COL4A5: variants seen among roughly 807,000 people sequenced by gnomAD.
COL4A5 encodes the protein collagen type IV alpha 5 chain, also known as collagen alpha-5(IV) chain.
In COL4A5, 26 loss-of-function variants were observed where a neutral mutation model predicts 130.2. The observed-to-expected ratio is 0.20, with a 90% confidence interval of 0.15 to 0.28. The LOEUF (loss-of-function observed/expected upper bound fraction) is 0.28. COL4A5 is among the 10% of genes least tolerant of loss of function. COL4A5 has a pLI of 1.00. For synonymous variants in COL4A5, 496 were observed against 439.6 expected (o/e 1.13, Z -1.60); for missense variants, 1,131 against 1,344.3 (o/e 0.84, Z 2.48).
At chrX:108,666,220 C>T (rs763443574) in intron 38 of COL4A5, among the ~76,000 whole-genome samples, 23 of 111,349 alleles carry the variant, frequency 2.1e-4, no homozygotes, top group African/African-American at 6.5e-4. Context: ...CTTCTCTTGG[C>T]CCCATATGAG....
chrX:108,476,808 C>G (rs1172683272), intron 1 of COL4A5, among the ~76,000 whole-genome samples: 4 of 111,807 alleles, frequency 3.6e-5, no homozygotes, highest in African/African-American at 1.3e-4. Context: ...ATATATACCA[C>G]ATTTTCTTTA....
At chrX:108,670,334 A>G in intron 42 of COL4A5, 98 bp downstream of exon 42, 1 of 1,171,003 alleles carries the variant, frequency 8.5e-7, no homozygotes, top group East Asian at 3.0e-5. Context: ...TTAAGAGCAT[A>G]TGTGCCAATT....
At chrX:108,689,372 A>G in intron 49 of COL4A5, 2 of 750,151 alleles carry the variant, frequency 2.7e-6, no homozygotes, top group Non-Finnish European at 3.1e-6. Context: ...CAACAGAGGA[A>G]CCATTATAAG....
At chrX:108,459,601 A>G (rs2064622788) in intron 1 of COL4A5, among the ~76,000 whole-genome samples, 1 of 112,584 alleles carries the variant, frequency 8.9e-6, no homozygotes, top group Non-Finnish European at 1.9e-5. Flanking sequence ...TGTAATCTAT[A>G]TACATATATC....
chrX:108,674,676 T>TTTGTA, intron 42 of COL4A5, 69 bp from the exon 43 acceptor site: 2 of 1,055,068 alleles, frequency 1.9e-6, no homozygotes, highest in Non-Finnish European at 2.6e-6. Context: ...ATAATCTTAT[T>TTTGTA]TTGTACTGTG....
intron 2 of COL4A5, among the ~76,000 whole-genome samples, chrX:108,558,468 G>C (rs2065858801): frequency 9.0e-6 from 1 of 111,088 alleles, no homozygotes; most frequent in African/African-American, 3.3e-5. Flanking sequence ...CAGTCTTCCT[G>C]TCCTGGTGAT....
At chrX:108,696,272 G>T (rs1350065699) in intron 52 of COL4A5, 25 bp from the exon 53 acceptor site, 1 of 1,150,692 alleles carries the variant, frequency 8.7e-7, no homozygotes, top group Admixed American at 2.2e-5. Flanking sequence ...ATGTGGATCT[G>T]ATTGTCTTAT....
rs1569488440 is a variant in COL4A5, at chrX:108,568,831, A to G, written c.384+10A>G. ...ATGCAATGGAACCAAGGTGAGATCC[A>G]TCCATTTAATCTTGGGTAGTATACT... On this transcript the variant is annotated intron_variant, in intron 6 of 52. Coordinates refer to ENST00000328300, the MANE Select transcript of COL4A5 (RefSeq NM_033380.3). 1.7e-6 allele frequency: 2 copies of G among 1,194,197 alleles called. No homozygotes were observed. The highest frequency in any genetic ancestry group is 1.1e-6 in the Non-Finnish European group (1 of 879,402).
At chrX:108,635,206 T>A (rs780281968) in intron 36 of COL4A5, among the ~76,000 whole-genome samples, 22 of 110,871 alleles carry the variant, frequency 2.0e-4, no homozygotes, top group African/African-American at 6.2e-4. Flanking sequence ...TTCAGTACCT[T>A]GTCCATAAAA....
intron 19 of COL4A5, among the ~76,000 whole-genome samples, chrX:108,588,700 G>T (rs1029789520): frequency 9.0e-6 from 1 of 111,029 alleles, no homozygotes; most frequent in Non-Finnish European, 1.9e-5. Flanking sequence ...GTAATGCAAA[G>T]GTCCATAACT....
intron 37 of COL4A5, among the ~76,000 whole-genome samples, chrX:108,659,537 C>G (rs1388046918): frequency 9.1e-6 from 1 of 110,394 alleles, no homozygotes; most frequent in Non-Finnish European, 1.9e-5. Context: ...CTCCTTTTCT[C>G]TCTGTCAATT....
At chrX:108,600,182 T>C (rs1168307191) in intron 25 of COL4A5, among the ~76,000 whole-genome samples, 1 of 112,178 alleles carries the variant, frequency 8.9e-6, no homozygotes, top group Non-Finnish European at 1.9e-5. Flanking sequence ...TATATTGGAT[T>C]ATTTCTTTTT....
chrX:108,626,664 G>T (rs905464888), intron 36 of COL4A5: 2 of 1,003,580 alleles, frequency 2.0e-6, no homozygotes, highest in South Asian at 2.5e-5. Context: ...TGATGGAGTT[G>T]TTGGCCTTTG....
At chrX:108,675,568 A>G (rs1182960363) in intron 43 of COL4A5, among the ~76,000 whole-genome samples, 2 of 111,416 alleles carry the variant, frequency 1.8e-5, no homozygotes, top group Non-Finnish European at 3.8e-5. Flanking sequence ...TTTCGTTATG[A>G]TTGAGAAGGG....
rs1213461980 is a variant in COL4A5 at position 108,635,203 on chromosome X, C to A, written c.3246+8854C>A. 2.7e-5 allele frequency among the ~76,000 whole-genome samples: 3 copies of A among 110,192 alleles called. No individual in the cohort carries two copies. The East Asian group carries it at 8.6e-4, about 31-fold the overall frequency. On this transcript the variant is annotated intron_variant, in intron 36 of 52. Coordinates refer to ENST00000328300, the MANE Select transcript of COL4A5 (RefSeq NM_033380.3). ...ACTTAATTCTTCAGTGTCTTCAGTA[C>A]CTTGTCCATAAAAAGTGGGAGAAAA...
At chrX:108,591,329 C>G in intron 20 of COL4A5, 98 bp downstream of exon 20, 1 of 871,501 alleles carries the variant, frequency 1.1e-6, no homozygotes, top group East Asian at 3.2e-5. Flanking sequence ...TGTTGCGTTT[C>G]TGATATCTAA....
chrX:108,445,351 T>C (rs920523315), intron 1 of COL4A5, among the ~76,000 whole-genome samples: 1 of 112,170 alleles, frequency 8.9e-6, no homozygotes, highest in African/African-American at 3.2e-5. Flanking sequence ...CTTTGCTCAA[T>C]TCCAGCAAAT....
intron 50 of COL4A5, chrX:108,693,523 G>A (rs1200953656): frequency 8.7e-6 from 1 of 114,896 alleles, no homozygotes; most frequent in Non-Finnish European, 1.8e-5. Context: ...TATTTGATAT[G>A]TAACAAGGAG....
chrX:108,621,966 T>C, intron 32 of COL4A5, 74 bp downstream of exon 32: 1 of 771,080 alleles, frequency 1.3e-6, no homozygotes, highest in South Asian at 2.2e-5. Flanking sequence ...GTACAGAATA[T>C]TTTTGTTGAC....
Sources: allele counts gnomAD v4.1 joint callset (sites outside exome capture counted in the v4.1 genomes callset), GRCh38; gene constraint gnomAD v4.1.1; transcripts MANE v1.5; gene names NCBI Gene and HGNC (gene_info 2026-07-23, HGNC 2026-07-21).